Variants in SH2D1B observed in about 807,000 individuals in gnomAD.
SH2D1B encodes the protein SH2 domain containing 1B.
In SH2D1B, 11 loss-of-function variants were observed where a neutral mutation model predicts 16.3. The ratio of observed to expected loss-of-function variants is 0.67; its 90% confidence interval spans 0.42 to 1.11. The LOEUF is 1.11. SH2D1B is among the 50% of genes most tolerant of loss of function. The pLI is 0.00. For synonymous variants in SH2D1B, 55 were observed against 56.1 expected (o/e 0.98, Z 0.09); for missense variants, 123 against 153.1 (o/e 0.80, Z 1.04).
intron 2 of SH2D1B, among the ~76,000 whole-genome samples, chr1:162,399,850 G>A (rs1648465033): frequency 6.6e-6 from 1 of 151,974 alleles, no homozygotes; most frequent in Admixed American, 6.6e-5. Context: ...ATTCTTTTTT[G>A]ACCTAAGCTC....
Position 162,409,973 on chromosome 1 carries a change from A to G in SH2D1B, c.134+1910T>C, listed in dbSNP as rs562065264. Among the ~76,000 whole-genome samples, 4 of 152,320 alleles carry G rather than the reference A, an allele frequency of 2.6e-5. No individual in the cohort carries two copies. In the East Asian group the frequency reaches 7.7e-4, roughly 29 times the overall value. ...TAAAGAAAGAAATATGTCCCTGTGT[A>G]TTCTATTAGTAATGACAATCACTTT... is the stretch of plus-strand genomic sequence containing the variant. On this transcript the variant is annotated intron_variant, in intron 1 of 3. Transcript: ENST00000367929.
intron 1 of SH2D1B, among the ~76,000 whole-genome samples, chr1:162,404,793 C>T (rs772293671): frequency 1.3e-5 from 2 of 152,172 alleles, no homozygotes; most frequent in African/African-American, 4.8e-5. Flanking sequence ...AAAGACTGAC[C>T]GTTCCACATG....
At chr1:162,402,261 C>CCT (rs67059741) in intron 2 of SH2D1B, among the ~76,000 whole-genome samples, 51,149 of 151,906 alleles carry the variant, frequency 0.34, 9,123 homozygotes, top group South Asian at 0.49. Context: ...GCCTGTAATC[C>CCT]CAGCAGTCTG....
intron 1 of SH2D1B, among the ~76,000 whole-genome samples, chr1:162,403,296 C>G (rs1054699202): frequency 1.5e-4 from 22 of 151,556 alleles, no homozygotes; most frequent in African/African-American, 2.4e-5. Context: ...TCAGACCAGC[C>G]TGGCCAACAT....
chr1:162,401,234 A>T (rs1431592482), intron 2 of SH2D1B, among the ~76,000 whole-genome samples: 2 of 152,206 alleles, frequency 1.3e-5, no homozygotes, highest in African/African-American at 2.4e-5. Context: ...TCTGAGTTAC[A>T]AATGATTTGG....
At chr1:162,409,881 T>C (rs1278154638) in intron 1 of SH2D1B, among the ~76,000 whole-genome samples, 1 of 152,152 alleles carries the variant, frequency 6.6e-6, no homozygotes, top group African/African-American at 2.4e-5. Flanking sequence ...GGCCAATATA[T>C]ATTTTTCTTT....
In SH2D1B at chr1:162,396,043, C is replaced by T. The variant is rs1391915485; in HGVS notation, c.*1237G>A. ...TTGAAAAGTAAAAGAGGACATTTGT[C>T]CTACCTACCAGACCCAGGGAATAGT... On this transcript the variant is annotated 3_prime_UTR_variant, in exon 4 of 4. Coordinates refer to ENST00000367929, the MANE Select transcript of SH2D1B (RefSeq NM_053282.5). 6.6e-6 allele frequency: 1 copy of T among 152,188 alleles called. No individual in the cohort carries two copies. The highest frequency in any genetic ancestry group is 2.4e-5 in the African/African-American group (1 of 41,434). 9.4% of individuals were successfully genotyped at this position (152,188 alleles called of 1,614,324 possible). A position where few individuals can be genotyped will look rare whatever the true frequency, so the allele number is the denominator to read the frequency against.
chr1:162,398,909 G>A lies in SH2D1B; in HGVS notation c.363+14C>T, dbSNP rs780301528. 9 of 1,605,970 alleles carry A rather than the reference G, an allele frequency of 5.6e-6. No individual in the cohort carries two copies. In the East Asian group the frequency reaches 1.8e-4, roughly 32 times the overall value. ...ATTAAGATTGCTTTCTGACCCCCAC[G>A]TGAGAGATTTTACCACAAATGTTTC... On this transcript the variant is annotated intron_variant, in intron 3 of 3. Coordinates refer to ENST00000367929, the MANE Select transcript of SH2D1B (RefSeq NM_053282.5).
rs1000384990 is a variant in SH2D1B at position 162,398,932 on chromosome 1, T to A, written c.354A>T (p.Glu118Asp). 1 of 1,611,352 alleles carries A rather than the reference T, an allele frequency of 6.2e-7. No individual in the cohort carries two copies. The highest frequency in any genetic ancestry group is 8.5e-7 in the Non-Finnish European group (1 of 1,178,142). The change falls in exon 3 of 4, where the codon GAA becomes GAT. Residue 118 changes from glutamate to aspartate, a missense_variant. Coordinates refer to ENST00000367929, the MANE Select transcript of SH2D1B (RefSeq NM_053282.5). ...LRWRGLKLELETFVNSNSDYV... is the reference protein window; with the variant it reads ...LRWRGLKLELDTFVNSNSDYV... ...ACGTGAGAGATTTTACCACAAATGT[T>A]TCCAACTCTAATTTCAATCCTCTCC...
At chr1:162,408,414 C>CTTTTTT (rs34627792) in intron 1 of SH2D1B, among the ~76,000 whole-genome samples, 7 of 128,188 alleles carry the variant, frequency 5.5e-5, no homozygotes, top group Non-Finnish European at 6.5e-5. Context: ...TTTTTCTCTT[C>CTTTTTT]TTTTTTTTTT....
chr1:162,400,497 G>A (rs1648489839), intron 2 of SH2D1B, among the ~76,000 whole-genome samples: 1 of 139,094 alleles, frequency 7.2e-6, no homozygotes, highest in Non-Finnish European at 1.5e-5. Flanking sequence ...GTAGAGATGG[G>A]GTTTCACTGT....
At position 162,404,699 on chromosome 1, in the gene SH2D1B, C is replaced by T. The variant is rs529349104; in HGVS notation, c.135-1897G>A. Among the ~76,000 whole-genome samples, 3 of 152,166 alleles carry T rather than the reference C, an allele frequency of 2.0e-5. 1 individual carries two copies. The East Asian group carries it at 5.8e-4, about 29-fold the overall frequency. On this transcript the variant is annotated intron_variant, in intron 1 of 3. Transcript: ENST00000367929. Reference sequence around the variant, plus strand: ...TGGCAAATAAGCACTCGTAAAGATACCCAGTATCATTAGTCATTAGTGAAA... The same window carrying T: ...TGGCAAATAAGCACTCGTAAAGATATCCAGTATCATTAGTCATTAGTGAAA...
intron 1 of SH2D1B, among the ~76,000 whole-genome samples, chr1:162,404,007 T>G (rs1648591886): frequency 6.6e-6 from 1 of 152,234 alleles, no homozygotes; most frequent in South Asian, 2.1e-4. Context: ...AAGAGATCTA[T>G]TGTACAACAT....
At position 162,397,314 on chromosome 1, in the gene SH2D1B, T is replaced by C; in HGVS notation, c.365A>G (p.Asn122Ser). ...GACATCCACATAATCGCTGTTACTGTTCTTTGGAGGGAAAAAAAAAGCAGA... is the reference window on the plus strand; with the variant it reads ...GACATCCACATAATCGCTGTTACTGCTCTTTGGAGGGAAAAAAAAAGCAGA... ...GLKLELETFV[N>S]SNSDYVDVLP The change falls in exon 4 of 4, where the codon AAC becomes AGC. Residue 122 changes from asparagine (N) to serine (S), a missense_variant and splice_region_variant. Physicochemically the swap from Asn to Ser is conservative, Grantham distance 46. Coordinates refer to ENST00000367929, the MANE Select transcript of SH2D1B (RefSeq NM_053282.5). 6.2e-7 allele frequency: 1 copy of C among 1,613,702 alleles called. No individual in the cohort carries two copies. Among genetic ancestry groups the C allele is most frequent in the Non-Finnish European group, 8.5e-7 (1 of 1,179,876 alleles).
rs1446224235 is a variant in SH2D1B at position 162,412,008 on chromosome 1, C to T, written c.9G>A (p.Leu3=). Residue 3 remains leucine, a synonymous_variant, in exon 1 of 4, where the codon CTG becomes CTA. Transcript: ENST00000367929. MD[L]PYYHGRLTKQ... ...TGGTCAGACGTCCATGGTAGTAAGGCAGATCCATGGAGAACGCTCTTGTAT... is the reference window on the plus strand; with the variant it reads ...TGGTCAGACGTCCATGGTAGTAAGGTAGATCCATGGAGAACGCTCTTGTAT... 1 of 1,613,978 alleles carries T rather than the reference C, an allele frequency of 6.2e-7. No individual in the cohort carries two copies. The highest frequency in any genetic ancestry group is 8.5e-7 in the Non-Finnish European group (1 of 1,180,026).
intron 1 of SH2D1B, among the ~76,000 whole-genome samples, chr1:162,404,480 T>C (rs1648605367): frequency 1.3e-5 from 2 of 152,224 alleles, no homozygotes; most frequent in South Asian, 2.1e-4. Context: ...CCACAACGTA[T>C]ATATATTTTA....
At position 162,395,954 on chromosome 1, in the gene SH2D1B, A is replaced by G. The variant is rs1363592852; in HGVS notation, c.*1326T>C. ...AAATTCCAAAAAGAGGTTTTAAGCA[A>G]TTTCACGTATTTATTATAAAATGTA... On this transcript the variant is annotated 3_prime_UTR_variant, in exon 4 of 4. Coordinates refer to ENST00000367929, the MANE Select transcript of SH2D1B (RefSeq NM_053282.5). 2.6e-5 allele frequency: 4 copies of G among 152,220 alleles called. No homozygotes were observed. The highest frequency in any genetic ancestry group is 1.3e-4 in the Admixed American group (2 of 15,286). The allele number at this position is 152,220 out of a possible 1,614,324, so 9.4% of individuals were successfully genotyped here.
intron 2 of SH2D1B, 137 bp from the exon 3 acceptor site, chr1:162,399,224 C>G (rs903438709): frequency 5.4e-6 from 4 of 742,468 alleles, no homozygotes; most frequent in African/African-American, 1.8e-5. Context: ...GAGCTCACAC[C>G]ACTCCCAGTT....
At chr1:162,403,488 GAAAAA>G (rs1172751501) in intron 1 of SH2D1B, among the ~76,000 whole-genome samples, 9 of 20,680 alleles carry the variant, frequency 4.4e-4, no homozygotes, top group South Asian at 2.9e-3. Context: ...GACTCTGTCT[GAAAAA>G]AAAAAAAAAA....
Sources: allele counts gnomAD v4.1 joint callset (sites outside exome capture counted in the v4.1 genomes callset), GRCh38; gene constraint gnomAD v4.1.1; transcripts MANE v1.5; gene names NCBI Gene and HGNC (gene_info 2026-07-23, HGNC 2026-07-21).